AGBL1: variants seen among roughly 807,000 people sequenced by gnomAD.
AGBL1 encodes AGBL carboxypeptidase 1, also known as cytosolic carboxypeptidase 4.
Under a neutral mutation model 118.9 loss-of-function variants are expected in AGBL1, and 130 were observed. That is an observed-to-expected ratio of 1.09 (90% confidence interval 0.95 to 1.26). AGBL1 has a LOEUF of 1.26. Ranked by LOEUF, AGBL1 falls within the 50% of genes most tolerant of loss-of-function variation. AGBL1 has a pLI of 0.00. For missense variants in AGBL1, 1,584 were observed against 1,298.1 expected (o/e 1.22, Z -3.38); for synonymous variants, 555 against 478.9 (o/e 1.16, Z -2.08).
chr15:86,285,861 G>A (rs936210619), intron 16 of AGBL1, among the ~76,000 whole-genome samples: 2 of 152,150 alleles, frequency 1.3e-5, no homozygotes, highest in African/African-American at 4.8e-5. Context: ...CTATTTTGAA[G>A]GACAGTGCTC....
intron 1 of AGBL1, among the ~76,000 whole-genome samples, chr15:86,106,621 A>G (rs1897068874): frequency 6.6e-6 from 1 of 152,200 alleles, no homozygotes; most frequent in Non-Finnish European, 1.5e-5. Flanking sequence ...TGGACAGAAC[A>G]CTTCCTTCAT....
At chr15:86,745,401 C>A (rs1170221999) in intron 22 of AGBL1, among the ~76,000 whole-genome samples, 1 of 151,864 alleles carries the variant, frequency 6.6e-6, no homozygotes, top group Non-Finnish European at 1.5e-5. Flanking sequence ...GCCGTCTGAC[C>A]CCCAAAGTCC....
At chr15:86,609,754 A>G (rs1391345515) in intron 21 of AGBL1, among the ~76,000 whole-genome samples, 4 of 152,274 alleles carry the variant, frequency 2.6e-5, no homozygotes, top group South Asian at 2.1e-4. Context: ...GTTAGGGGGG[A>G]AAAAGATTTG....
chr15:86,342,239 C>T (rs2080472150), intron 17 of AGBL1, among the ~76,000 whole-genome samples: 1 of 152,122 alleles, frequency 6.6e-6, no homozygotes, highest in Non-Finnish European at 1.5e-5. Flanking sequence ...GGGAGATAGC[C>T]AAATTCTGGT....
intron 21 of AGBL1, among the ~76,000 whole-genome samples, chr15:86,555,479 G>A (rs529377633): frequency 4.1e-4 from 63 of 152,270 alleles, no homozygotes; most frequent in Middle Eastern, 6.8e-3. Context: ...TCATGTAGTC[G>A]AAGATTTTTT....
intron 18 of AGBL1, among the ~76,000 whole-genome samples, chr15:86,475,649 G>T (rs113295036): frequency 4.1e-4 from 62 of 152,188 alleles, no homozygotes; most frequent in African/African-American, 1.4e-3. Context: ...GAAAACACTC[G>T]GCAGGATATT....
At chr15:86,960,323 C>T (rs947468203) in intron 23 of AGBL1, among the ~76,000 whole-genome samples, 2 of 151,992 alleles carry the variant, frequency 1.3e-5, no homozygotes, top group Non-Finnish European at 2.9e-5. Context: ...ACAACTTATG[C>T]TCATATCTAT....
At chr15:86,776,386 C>A (rs1200184737) in intron 22 of AGBL1, among the ~76,000 whole-genome samples, 1 of 151,964 alleles carries the variant, frequency 6.6e-6, no homozygotes, top group Non-Finnish European at 1.5e-5. Flanking sequence ...TTGCTTTTAC[C>A]TTCATTTTCT....
chr15:86,838,292 T>C (rs2079195718), intron 22 of AGBL1, among the ~76,000 whole-genome samples: 1 of 152,218 alleles, frequency 6.6e-6, no homozygotes, highest in Non-Finnish European at 1.5e-5. Context: ...GCCTGTAAGT[T>C]AGTGTGTTAT....
chr15:86,956,400 C>T (rs760192896), intron 23 of AGBL1, among the ~76,000 whole-genome samples: 1 of 152,068 alleles, frequency 6.6e-6, no homozygotes, highest in Non-Finnish European at 1.5e-5. Flanking sequence ...AATTCTAAGA[C>T]ATTGGCTCAT....
At chr15:86,654,114 C>T (rs2085423422) in intron 21 of AGBL1, among the ~76,000 whole-genome samples, 1 of 152,086 alleles carries the variant, frequency 6.6e-6, no homozygotes, top group African/African-American at 2.4e-5. Flanking sequence ...AGATTTTATT[C>T]TGAGCCACAA....
rs1281470147 is a variant in AGBL1 at position 86,410,822 on chromosome 15, AT to A, written c.2555+13277del. Among the ~76,000 whole-genome samples the A allele has an allele frequency of 9.1e-5, 10 of 109,400 alleles. 1 individual carries two copies. Among genetic ancestry groups the A allele is most frequent in the African/African-American group, 3.9e-4 (10 of 25,478 alleles). The allele number at this position is 109,400 out of a possible 152,430, so 71.8% of individuals were successfully genotyped here. A position where few individuals can be genotyped will look rare whatever the true frequency, so the allele number is the denominator to read the frequency against. On this transcript the variant is annotated intron_variant, in intron 18 of 22. Coordinates refer to ENST00000614907, the MANE Select transcript of AGBL1 (RefSeq NM_001386094.1). ...GTCAAATGTAGATATATATATATAT[AT>A]ATATATATATATATATATAATATAC...
chr15:86,767,150 T>C (rs962011386), intron 22 of AGBL1, among the ~76,000 whole-genome samples: 2 of 152,128 alleles, frequency 1.3e-5, no homozygotes, highest in East Asian at 3.9e-4. Flanking sequence ...TAAGTGAAGC[T>C]CAGATTTTTG....
intron 22 of AGBL1, among the ~76,000 whole-genome samples, chr15:86,692,661 G>A (rs1400001224): frequency 6.6e-6 from 1 of 152,032 alleles, no homozygotes; most frequent in Non-Finnish European, 1.5e-5. Flanking sequence ...TTGGTTATAT[G>A]AGTAAGTTCT....
rs544672273 is a variant in AGBL1, at chr15:86,643,806, A to G, written c.2995-30467A>G. Among the ~76,000 whole-genome samples the G allele has an allele frequency of 9.2e-5, 14 of 152,284 alleles. 1 individual carries two copies. Among genetic ancestry groups the G allele is most frequent in the African/African-American group, 3.4e-4 (14 of 41,572 alleles). On this transcript the variant is annotated intron_variant, in intron 21 of 22. Transcript: ENST00000614907. The stretch of plus-strand genomic sequence containing the variant: ...AAGGATTTTATTTATGCAGGTTTAC[A>G]TTTGTCATGTGGACATATCTAAATA...
chr15:86,280,044 G>C (rs1384572209), intron 16 of AGBL1, among the ~76,000 whole-genome samples: 1 of 152,190 alleles, frequency 6.6e-6, no homozygotes, highest in African/African-American at 2.4e-5. Flanking sequence ...AGTTGGGGCA[G>C]GACATGGGGG....
intron 23 of AGBL1, among the ~76,000 whole-genome samples, chr15:86,927,935 C>CGTAT (rs146362210): frequency 6.6e-6 from 1 of 150,536 alleles, no homozygotes; most frequent in Non-Finnish European, 1.5e-5. Flanking sequence ...TTTATATATG[C>CGTAT]ATATATATAT....
chr15:86,836,927 G>C (rs1567199436), intron 22 of AGBL1, among the ~76,000 whole-genome samples: 2 of 151,992 alleles, frequency 1.3e-5, no homozygotes, highest in African/African-American at 4.8e-5. Flanking sequence ...AAACTATCTT[G>C]CTTATATATT....
intron 22 of AGBL1, among the ~76,000 whole-genome samples, chr15:86,861,742 A>G (rs1232229958): frequency 1.3e-5 from 2 of 152,246 alleles, no homozygotes; most frequent in Non-Finnish European, 2.9e-5. Context: ...TGTCCTCAGT[A>G]TGCCACCCAT....
Sources: gnomAD v4.1 joint callset for allele counts (sites outside exome capture counted in the v4.1 genomes callset) on GRCh38, gnomAD v4.1.1 for gene constraint, MANE v1.5 for transcripts, NCBI Gene and HGNC (gene_info 2026-07-23, HGNC 2026-07-21) for gene names.